The following SAMD5 variants were observed in gnomAD, a reference collection of about 807,000 sequenced individuals.
SAMD5 encodes sterile alpha motif domain-containing protein 5.
In SAMD5, 13 loss-of-function variants were observed where a neutral mutation model predicts 11.3. The observed-to-expected ratio is 1.15, with a 90% confidence interval of 0.75 to 1.83. SAMD5 has a LOEUF of 1.83. Ranked by LOEUF, SAMD5 falls within the 40% of genes most tolerant of loss-of-function variation. The pLI is 0.00. For synonymous variants in SAMD5, 129 were observed against 111.3 expected, an observed-to-expected ratio of 1.16 and a Z score of -1.00; for missense variants, 255 against 239.1, an observed-to-expected ratio of 1.07 and a Z score of -0.44.
At chr6:147,525,475 G>T (rs1286927822) in intron 1 of SAMD5, among the ~76,000 whole-genome samples, 1 of 151,556 alleles carries the variant, frequency 6.6e-6, no homozygotes, top group Non-Finnish European at 1.5e-5. Flanking sequence ...CTGTGGAAAT[G>T]GTGTTTAATC....
chr6:147,921,035 A>G, the SAMD5 span, among the ~76,000 whole-genome samples: 1 of 152,168 alleles, frequency 6.6e-6, no homozygotes, highest in Non-Finnish European at 1.5e-5. Flanking sequence ...AGACATTTCA[A>G]TATTTCTTTA....
At chr6:147,698,119 A>G (rs1440111903) in intron 1 of SAMD5, among the ~76,000 whole-genome samples, 1 of 152,188 alleles carries the variant, frequency 6.6e-6, no homozygotes, top group East Asian at 1.9e-4. Flanking sequence ...CCACTGATCC[A>G]ACAGGAGGCG....
At chr6:147,674,549 G>A (rs978924928) in intron 1 of SAMD5, among the ~76,000 whole-genome samples, 30 of 152,140 alleles carry the variant, frequency 2.0e-4, no homozygotes, top group African/African-American at 5.8e-4. Context: ...GTAGCACAGA[G>A]GCACTACAGC....
intron 1 of SAMD5, among the ~76,000 whole-genome samples, chr6:147,539,329 A>G (rs2128441850): frequency 6.6e-6 from 1 of 152,344 alleles, no homozygotes; most frequent in South Asian, 2.1e-4. Context: ...CTTGTCTTCC[A>G]GGTGGCTGAG....
At chr6:147,590,370 A>G (rs1377508789) in intron 1 of SAMD5, among the ~76,000 whole-genome samples, 2 of 152,154 alleles carry the variant, frequency 1.3e-5, no homozygotes, top group African/African-American at 2.4e-5. Context: ...ATCCACCTAC[A>G]TAGCATAGTG....
the SAMD5 span, among the ~76,000 whole-genome samples, chr6:147,751,394 T>C: frequency 1.3e-5 from 2 of 152,190 alleles, no homozygotes. Flanking sequence ...GAATTGTCTA[T>C]ATTTGGTTGC....
the SAMD5 span, among the ~76,000 whole-genome samples, chr6:147,917,453 A>G: frequency 6.6e-6 from 1 of 151,940 alleles, no homozygotes; most frequent in African/African-American, 2.4e-5. Flanking sequence ...GATTCTGGAT[A>G]TTAGCCCTTT....
chr6:147,925,991 T>C, the SAMD5 span, among the ~76,000 whole-genome samples: 1 of 152,242 alleles, frequency 6.6e-6, no homozygotes, highest in African/African-American at 2.4e-5. Context: ...CTCCAGCCCA[T>C]CCATCTTCCT....
chr6:147,555,638 A>G (rs1363524226), intron 1 of SAMD5, among the ~76,000 whole-genome samples: 3 of 152,232 alleles, frequency 2.0e-5, no homozygotes, highest in South Asian at 2.1e-4. Context: ...CAGAAACTGA[A>G]TATTTTCCAA....
chr6:147,699,342 A>C (rs1791220728), intron 1 of SAMD5, among the ~76,000 whole-genome samples: 1 of 152,226 alleles, frequency 6.6e-6, no homozygotes, highest in Non-Finnish European at 1.5e-5. Context: ...GCCTTCTTGC[A>C]GAAATGATGC....
intron 1 of SAMD5, among the ~76,000 whole-genome samples, chr6:147,636,321 A>C (rs933926907): frequency 6.6e-6 from 1 of 152,200 alleles, no homozygotes; most frequent in African/African-American, 2.4e-5. Flanking sequence ...TCCAAACACC[A>C]AGAAATGCCA....
chr6:147,685,021 G>A (rs1223131001), intron 1 of SAMD5, among the ~76,000 whole-genome samples: 1 of 152,174 alleles, frequency 6.6e-6, no homozygotes, highest in Non-Finnish European at 1.5e-5. Context: ...AATAATAGTA[G>A]TTTGGATAGG....
the SAMD5 span, among the ~76,000 whole-genome samples, chr6:147,916,455 T>G: frequency 6.6e-6 from 1 of 152,210 alleles, no homozygotes; most frequent in South Asian, 2.1e-4. Context: ...CTAACAGGTG[T>G]GAGATGGTAT....
chr6:147,841,761 G>A, the SAMD5 span, among the ~76,000 whole-genome samples: 244 of 150,184 alleles, frequency 1.6e-3, no homozygotes, highest in African/African-American at 5.8e-3. Context: ...ACTGTTCAGG[G>A]TGAGAGCTGG....
chr6:147,597,200 G>A (rs576488592), intron 1 of SAMD5, among the ~76,000 whole-genome samples: 3 of 152,178 alleles, frequency 2.0e-5, no homozygotes, highest in Non-Finnish European at 2.9e-5. Context: ...TTAATTAGTA[G>A]GGTTATTAAT....
At chr6:147,619,733 A>G (rs1789929417) in intron 1 of SAMD5, among the ~76,000 whole-genome samples, 1 of 152,216 alleles carries the variant, frequency 6.6e-6, no homozygotes, top group South Asian at 2.1e-4. Context: ...TGGCTGCAAG[A>G]GAGGGTGGAC....
chr6:147,563,138 T>A (rs905479312), intron 1 of SAMD5, among the ~76,000 whole-genome samples: 1 of 151,782 alleles, frequency 6.6e-6, no homozygotes, highest in Non-Finnish European at 1.5e-5. Context: ...GCCTGGATAG[T>A]AATACTTACC....
the SAMD5 span, among the ~76,000 whole-genome samples, chr6:147,891,017 T>G: frequency 5.3e-5 from 8 of 152,218 alleles, no homozygotes; most frequent in Non-Finnish European, 1.0e-4. Flanking sequence ...ATATGGATAT[T>G]TCTAAAATAT....
intron 1 of SAMD5, among the ~76,000 whole-genome samples, chr6:147,563,879 G>A (rs1788993481): frequency 6.6e-6 from 1 of 152,184 alleles, no homozygotes; most frequent in Non-Finnish European, 1.5e-5. Flanking sequence ...AGATGATAAT[G>A]ATTAAATATG....
Sources: allele counts gnomAD v4.1 joint callset (sites outside exome capture counted in the v4.1 genomes callset), GRCh38; gene constraint gnomAD v4.1.1; transcripts MANE v1.5; gene names NCBI Gene and HGNC (gene_info 2026-07-23, HGNC 2026-07-21).